LRRIQ1: variants seen among roughly 807,000 people sequenced by gnomAD.
LRRIQ1 encodes the protein leucine rich repeats and IQ motif containing 1.
LRRIQ1 carries 210 observed loss-of-function variants against 211.9 expected under a neutral mutation model. The observed-to-expected ratio is 0.99, with a 90% CI of 0.89 to 1.11. LRRIQ1 has a LOEUF of 1.11. LRRIQ1 is among the 50% of genes most tolerant of loss of function. The probability of loss-of-function intolerance (pLI) is 0.00; values close to 1 mark genes in which losing one functional copy is unlikely to be tolerated. For synonymous variants in LRRIQ1, 699 were observed against 650.1 expected (o/e 1.08, Z -1.14); for missense variants, 2,136 against 1,939.5 (o/e 1.10, Z -1.90).
intron 25 of LRRIQ1, 105 bp downstream of exon 25, chr12:85,229,754 C>A: frequency 9.0e-7 from 1 of 1,115,900 alleles, no homozygotes; most frequent in Non-Finnish European, 1.3e-6. Context: ...TTGCCAAAGG[C>A]CAATACGCTA....
chr12:85,118,334 A>G (rs1483788014), intron 15 of LRRIQ1, among the ~76,000 whole-genome samples: 3 of 152,122 alleles, frequency 2.0e-5, no homozygotes, highest in African/African-American at 7.2e-5. Context: ...TATCTGCTTC[A>G]TAATATGTAG....
chr12:85,188,526 A>C (rs1592940617), intron 24 of LRRIQ1, among the ~76,000 whole-genome samples: 2 of 152,164 alleles, frequency 1.3e-5, no homozygotes, highest in South Asian at 4.1e-4. Context: ...GATCCTATGA[A>C]ATAATGTAGC....
intron 11 of LRRIQ1, 149 bp from the exon 12 acceptor site, chr12:85,098,206 T>C: frequency 1.8e-6 from 1 of 558,304 alleles, no homozygotes; most frequent in Non-Finnish European, 3.1e-6. Context: ...ACAAGATATG[T>C]TTCACCAGGA....
At chr12:85,075,980 T>G (rs929185497) in intron 11 of LRRIQ1, among the ~76,000 whole-genome samples, 3 of 152,162 alleles carry the variant, frequency 2.0e-5, no homozygotes, top group Non-Finnish European at 4.4e-5. Context: ...GCAGTCTATC[T>G]CTAGTGCCTA....
chr12:85,078,455 A>G (rs1336306773), intron 11 of LRRIQ1, among the ~76,000 whole-genome samples: 1 of 152,124 alleles, frequency 6.6e-6, no homozygotes, highest in Non-Finnish European at 1.5e-5. Flanking sequence ...CTACTTCAGA[A>G]CCTATATATT....
chr12:85,060,123 C>G lies in LRRIQ1; in HGVS notation c.2391+2939C>G, dbSNP rs1264751467. Among the ~76,000 whole-genome samples the G allele has an allele frequency of 4.0e-5, 6 of 151,834 alleles. No homozygotes were observed. The East Asian group carries it at 1.2e-3, about 29-fold the overall frequency. On this transcript the variant is annotated intron_variant, in intron 8 of 26. Coordinates refer to ENST00000393217, the MANE Select transcript of LRRIQ1 (RefSeq NM_001079910.2). ...CAGCAATATCTATTATATAGGATCA[C>G]TGAGTTTTAAAATGCTGTATGTAAA...
chr12:85,068,574 G>A (rs1882700831), intron 10 of LRRIQ1, among the ~76,000 whole-genome samples: 1 of 151,784 alleles, frequency 6.6e-6, no homozygotes, highest in African/African-American at 2.4e-5. Flanking sequence ...TCAGGAGACA[G>A]TTTTGAATAA....
At position 85,099,525 on chromosome 12, in the gene LRRIQ1, AT is replaced by A. The variant is rs528201698; in HGVS notation, c.3209+534del. Among the ~76,000 whole-genome samples, 6 of 152,034 alleles carry A rather than the reference AT, an allele frequency of 3.9e-5. No individual in the cohort carries two copies. In the South Asian group the frequency reaches 1.2e-3, roughly 31 times the overall value. On this transcript the variant is annotated intron_variant, in intron 13 of 26. Transcript: ENST00000393217. ...AATGGGTACCTGCCTCAGAAGATCT[AT>A]TTGAAACCACCAAACATCTGGATCT...
intron 24 of LRRIQ1, among the ~76,000 whole-genome samples, chr12:85,218,825 CAGAATT>C (rs558687176): frequency 3.6e-4 from 54 of 152,020 alleles, no homozygotes; most frequent in Admixed American, 7.2e-4. Flanking sequence ...AGGACAGGGA[CAGAATT>C]AGTATTACTG....
chr12:85,078,843 T>G (rs1001058018), intron 11 of LRRIQ1, among the ~76,000 whole-genome samples: 10 of 152,154 alleles, frequency 6.6e-5, no homozygotes, highest in Non-Finnish European at 1.5e-4. Context: ...AAAAAAAATT[T>G]TTTTACGTTT....
downstream of LRRIQ1, among the ~76,000 whole-genome samples, chr12:85,268,926 TA>T (rs201852409): frequency 4.7e-3 from 720 of 152,082 alleles, 8 homozygotes; most frequent in East Asian, 0.034. Flanking sequence ...TAAAGGGGAT[TA>T]AAAAAATGTT....
At chr12:85,081,290 A>G (rs907202893) in intron 11 of LRRIQ1, among the ~76,000 whole-genome samples, 2 of 152,080 alleles carry the variant, frequency 1.3e-5, no homozygotes, top group Non-Finnish European at 2.9e-5. Context: ...TTAATCCTTT[A>G]ATGTCTTGAG....
chr12:85,086,935 C>CATTATTATTATA (rs746011693), intron 11 of LRRIQ1, among the ~76,000 whole-genome samples: 2 of 149,230 alleles, frequency 1.3e-5, no homozygotes, highest in East Asian at 3.9e-4. Flanking sequence ...GATTGTTCTT[C>CATTATTATTATA]ATTATTATTA....
At chr12:85,208,940 A>G (rs1244445910) in intron 24 of LRRIQ1, among the ~76,000 whole-genome samples, 2 of 152,160 alleles carry the variant, frequency 1.3e-5, no homozygotes, top group African/African-American at 4.8e-5. Flanking sequence ...TCAAAAAGAT[A>G]TATTAGCAAG....
intron 22 of LRRIQ1, 32 bp from the exon 23 acceptor site, chr12:85,153,979 GT>G (rs760993379): frequency 1.4e-6 from 2 of 1,386,250 alleles, no homozygotes; most frequent in African/African-American, 1.5e-5. Flanking sequence ...CCGGGTATTT[GT>G]TTTACCTTTA....
intron 15 of LRRIQ1, among the ~76,000 whole-genome samples, chr12:85,117,342 T>C (rs1887652766): frequency 6.6e-6 from 1 of 152,188 alleles, no homozygotes; most frequent in South Asian, 2.1e-4. Flanking sequence ...CAGGATCACT[T>C]TTCCCGGTGA....
At chr12:85,184,834 T>C (rs1482887936) in intron 24 of LRRIQ1, among the ~76,000 whole-genome samples, 2 of 152,030 alleles carry the variant, frequency 1.3e-5, no homozygotes, top group African/African-American at 4.8e-5. Flanking sequence ...CGTTTGATAC[T>C]TTTTCTCTTT....
chr12:85,184,175 T>C lies in LRRIQ1; in HGVS notation c.4822+23461T>C, dbSNP rs1276912838. Among the ~76,000 whole-genome samples, 7 of 152,174 alleles carry C rather than the reference T, an allele frequency of 4.6e-5. No homozygotes were observed. The East Asian group carries it at 1.3e-3, about 29-fold the overall frequency. On this transcript the variant is annotated intron_variant, in intron 24 of 26. Transcript: ENST00000393217. ...AGAAGACAGTTCGACTGAAATTCTT[T>C]CTTTTAAAGTGGAGTATCTTAAATA...
downstream of LRRIQ1, among the ~76,000 whole-genome samples, chr12:85,246,014 T>C (rs1895701876): frequency 6.6e-6 from 1 of 151,180 alleles, no homozygotes; most frequent in Non-Finnish European, 1.5e-5. Context: ...GACTTTCACT[T>C]TTCATCCAAG....
Sources: allele counts gnomAD v4.1 joint callset (sites outside exome capture counted in the v4.1 genomes callset), GRCh38; gene constraint gnomAD v4.1.1; transcripts MANE v1.5; gene names NCBI Gene and HGNC (gene_info 2026-07-23, HGNC 2026-07-21).